The following CDH8 variants were observed in gnomAD, a reference collection of about 807,000 sequenced individuals.
CDH8 encodes the protein cadherin-8.
Under a neutral mutation model 68.1 loss-of-function variants are expected in CDH8, and 17 were observed. The observed-to-expected ratio is 0.25, with a 90% CI of 0.17 to 0.37. CDH8 has a LOEUF of 0.37. Among genes scored for constraint, CDH8 ranks in the 10% least tolerant of loss-of-function variants. CDH8 has a pLI of 1.00. For missense variants in CDH8, 763 were observed against 999.3 expected (o/e 0.76, Z 3.19); for synonymous variants, 372 against 365.1 (o/e 1.02, Z -0.21).
chr16:61,744,630 C>T, intron 8 of CDH8, among the ~76,000 whole-genome samples: 1 of 150,768 alleles, frequency 6.6e-6, no homozygotes, highest in Admixed American at 6.6e-5. Flanking sequence ...CTTAGTTTTC[C>T]CCTTTTCTAT....
At chr16:61,766,326 T>C (rs1215083029) in intron 8 of CDH8, among the ~76,000 whole-genome samples, 1 of 152,058 alleles carries the variant, frequency 6.6e-6, no homozygotes, top group African/African-American at 2.4e-5. Flanking sequence ...TATTTCTTTT[T>C]TATGGCTGAG....
At chr16:61,839,458 G>T (rs1171196224) in intron 4 of CDH8, among the ~76,000 whole-genome samples, 1 of 152,140 alleles carries the variant, frequency 6.6e-6, no homozygotes, top group Non-Finnish European at 1.5e-5. Flanking sequence ...GTATTATGAA[G>T]AAATTCTAGG....
intron 11 of CDH8, among the ~76,000 whole-genome samples, chr16:61,655,238 TATTGGTGATGGA>T (rs1336191957): frequency 1.3e-5 from 2 of 152,194 alleles, no homozygotes; most frequent in Non-Finnish European, 2.9e-5. Context: ...TTCATCGCTT[TATTGGTGATGGA>T]ATTGAAAAAG....
chr16:61,729,233 AT>A (rs1439126864), intron 8 of CDH8, among the ~76,000 whole-genome samples: 1 of 150,934 alleles, frequency 6.6e-6, no homozygotes, highest in East Asian at 2.0e-4. Flanking sequence ...GACATAAGCC[AT>A]TTTCATAGTA....
rs1959195230 is a variant in CDH8, at chr16:61,718,559, C to G, written c.1537-4601G>C. Among the ~76,000 whole-genome samples the G allele has an allele frequency of 2.0e-5, 3 of 151,242 alleles. No homozygotes were observed. In the Admixed American group the frequency reaches 2.0e-4, roughly 10 times the overall value. The stretch of plus-strand genomic sequence containing the variant: ...GAAGTTACGGTCGATGAAGAAGGAA[C>G]AGCATAATGTTTGGCTTTCTATTAA... On this transcript the variant is annotated intron_variant, in intron 9 of 11. Coordinates refer to ENST00000577390, the MANE Select transcript of CDH8 (RefSeq NM_001796.5).
At chr16:61,763,674 A>G (rs1286487558) in intron 8 of CDH8, among the ~76,000 whole-genome samples, 1 of 152,154 alleles carries the variant, frequency 6.6e-6, no homozygotes. Context: ...TATCATTTTT[A>G]TATCTAGGGT....
At chr16:61,728,460 A>G (rs1290543193) in intron 8 of CDH8, among the ~76,000 whole-genome samples, 4 of 151,000 alleles carry the variant, frequency 2.6e-5, no homozygotes, top group Admixed American at 2.0e-4. Context: ...ACTTGACTTC[A>G]CTTCCCAAAA....
intron 3 of CDH8, among the ~76,000 whole-genome samples, chr16:61,889,468 A>C (rs992302301): frequency 1.3e-5 from 2 of 152,178 alleles, no homozygotes; most frequent in Admixed American, 6.5e-5. Context: ...CATGAGAGGC[A>C]AAGTTCTGAG....
intron 3 of CDH8, among the ~76,000 whole-genome samples, chr16:61,888,473 T>C (rs1371844626): frequency 6.6e-6 from 1 of 152,170 alleles, no homozygotes; most frequent in Non-Finnish European, 1.5e-5. Flanking sequence ...ATAACTCTTT[T>C]GTTATGTATG....
At chr16:61,715,208 G>A (rs1964702565) in intron 9 of CDH8, among the ~76,000 whole-genome samples, 1 of 151,414 alleles carries the variant, frequency 6.6e-6, no homozygotes, top group Non-Finnish European at 1.5e-5. Flanking sequence ...TAGTTATAAT[G>A]TCTTATAAAT....
chr16:61,985,646 C>CCATG (rs1965612436), intron 2 of CDH8, among the ~76,000 whole-genome samples: 1 of 152,136 alleles, frequency 6.6e-6, no homozygotes, highest in Non-Finnish European at 1.5e-5. Context: ...GCACCTGCCA[C>CCATG]CATGCCCAGC....
At chr16:61,984,121 A>G (rs1299086165) in intron 2 of CDH8, among the ~76,000 whole-genome samples, 2 of 151,780 alleles carry the variant, frequency 1.3e-5, no homozygotes, top group East Asian at 3.9e-4. Context: ...GTGTCATCAT[A>G]TTGGCCGGGC....
rs544094621 is a variant in CDH8, at chr16:61,648,736, G to A, written c.*4872C>T. ...GTATCAACCATGTAGCTTAATTTCT[G>A]TACTGATAGATACTCAATAAATGTG... On this transcript the variant is annotated 3_prime_UTR_variant, in exon 12 of 12. Transcript: ENST00000577390. 1 of 151,998 alleles carries A rather than the reference G, an allele frequency of 6.6e-6. No homozygotes were observed. The highest frequency in any genetic ancestry group is 2.1e-4 in the South Asian group (1 of 4,830). The allele number at this position is 151,998 out of a possible 1,614,324, so 9.4% of individuals were successfully genotyped here. A position where few individuals can be genotyped will look rare whatever the true frequency, so the allele number is the denominator to read the frequency against.
chr16:61,843,995 T>A (rs1412036935), intron 4 of CDH8, among the ~76,000 whole-genome samples: 3 of 152,078 alleles, frequency 2.0e-5, no homozygotes, highest in Admixed American at 1.3e-4. Flanking sequence ...ATTGCGGCAC[T>A]ATTCACAATA....
At chr16:61,734,678 T>C (rs145046173) in intron 8 of CDH8, among the ~76,000 whole-genome samples, 1 of 152,266 alleles carries the variant, frequency 6.6e-6, no homozygotes, top group African/African-American at 2.4e-5. Flanking sequence ...TTTTTTAACT[T>C]CACAAGAGTT....
intron 8 of CDH8, among the ~76,000 whole-genome samples, chr16:61,778,206 C>T (rs955426218): frequency 1.3e-5 from 2 of 152,128 alleles, no homozygotes; most frequent in Admixed American, 6.6e-5. Flanking sequence ...ATCTCCCCTT[C>T]ACCCTGCACA....
intron 4 of CDH8, among the ~76,000 whole-genome samples, chr16:61,828,736 C>T (rs1296273126): frequency 6.6e-6 from 1 of 151,782 alleles, no homozygotes. Context: ...TAATTGAAAT[C>T]AAGCAAGTTT....
At chr16:61,819,771 T>C (rs952132434) in intron 6 of CDH8, among the ~76,000 whole-genome samples, 3 of 152,106 alleles carry the variant, frequency 2.0e-5, no homozygotes, top group Non-Finnish European at 4.4e-5. Context: ...CAGTCATATC[T>C]ACATAATGCT....
chr16:61,927,792 C>T (rs147800535), intron 2 of CDH8, among the ~76,000 whole-genome samples: 21 of 152,198 alleles, frequency 1.4e-4, no homozygotes, highest in East Asian at 1.2e-3. Context: ...ACATGGCTAC[C>T]GCATGATACT....
Sources: gnomAD v4.1 joint callset for allele counts (sites outside exome capture counted in the v4.1 genomes callset) on GRCh38, gnomAD v4.1.1 for gene constraint, MANE v1.5 for transcripts, NCBI Gene and HGNC (gene_info 2026-07-23, HGNC 2026-07-21) for gene names.